MANBA: variants seen among roughly 807,000 people sequenced by gnomAD.
MANBA encodes the protein mannosidase beta, also known as beta-mannosidase.
Under a neutral mutation model 111.1 loss-of-function variants are expected in MANBA, and 83 were observed. The observed-to-expected ratio is 0.75, with a 90% CI of 0.63 to 0.90. The LOEUF is 0.90. Among genes scored for constraint, MANBA ranks in the 40% least tolerant of loss-of-function variants. The pLI is 0.00. For synonymous variants in MANBA, 370 were observed against 378.7 expected (o/e 0.98, Z 0.27); for missense variants, 1,036 against 1,069.0 (o/e 0.97, Z 0.43).
intron 8 of MANBA, among the ~76,000 whole-genome samples, chr4:102,671,712 C>A (rs73836807): frequency 0.012 from 1,768 of 152,252 alleles, 29 homozygotes; most frequent in African/African-American, 0.041. Context: ...GGAAAGTATG[C>A]ACTAATTTTA....
Position 102,727,613 on chromosome 4 carries a change from C to T in MANBA, c.178-930G>A, listed in dbSNP as rs1722860092. The T allele has an allele frequency of 3.8e-6, 6 of 1,572,504 alleles. No individual in the cohort carries two copies. The East Asian group carries it at 1.1e-4, about 29-fold the overall frequency. Reference sequence around the variant, plus strand: ...AAGCTTTTGGGCTCGGGAGACAGGCCAGTGCCCATGTTGTTGTATTCCCAT... The same window carrying T: ...AAGCTTTTGGGCTCGGGAGACAGGCTAGTGCCCATGTTGTTGTATTCCCAT... On this transcript the variant is annotated intron_variant, in intron 1 of 16. Coordinates refer to ENST00000647097, the MANE Select transcript of MANBA (RefSeq NM_005908.4).
intron 1 of MANBA, chr4:102,727,444 T>TG: frequency 2.2e-6 from 3 of 1,351,604 alleles, no homozygotes; most frequent in Non-Finnish European, 3.2e-6. Context: ...CAATTGCACA[T>TG]GGGTCTCAGA....
At chr4:102,736,386 A>G (rs1300030909) in intron 1 of MANBA, among the ~76,000 whole-genome samples, 1 of 152,210 alleles carries the variant, frequency 6.6e-6, no homozygotes, top group African/African-American at 2.4e-5. Flanking sequence ...GCAAATGACA[A>G]TATCATCAGT....
At chr4:102,645,370 C>T (rs1453489211) in intron 13 of MANBA, among the ~76,000 whole-genome samples, 6 of 152,034 alleles carry the variant, frequency 3.9e-5, no homozygotes, top group Non-Finnish European at 7.4e-5. Flanking sequence ...GTAATGTTGG[C>T]TTCACAGAAT....
chr4:102,631,950 A>T lies in MANBA; in HGVS notation c.*107T>A. The T allele has an allele frequency of 1.0e-6, 1 of 954,354 alleles. No individual in the cohort carries two copies. Among genetic ancestry groups the T allele is most frequent in the Non-Finnish European group, 1.7e-6 (1 of 597,034 alleles). 59.1% of individuals were successfully genotyped at this position (954,354 alleles called of 1,614,324 possible). ...ATCGCTCAAATGCGTGGCAGCACGC[A>T]GACATGTCTCTCGGCTTCTCTCCTT... On this transcript the variant is annotated 3_prime_UTR_variant, in exon 17 of 17. Coordinates refer to ENST00000647097, the MANE Select transcript of MANBA (RefSeq NM_005908.4).
intron 1 of MANBA, chr4:102,753,853 T>C: frequency 2.7e-6 from 1 of 377,094 alleles, no homozygotes; most frequent in South Asian, 1.9e-5. Flanking sequence ...CAGGCCGAGG[T>C]GGGCGGATTG....
At chr4:102,711,674 C>G (rs1005713169) in intron 5 of MANBA, among the ~76,000 whole-genome samples, 2 of 152,170 alleles carry the variant, frequency 1.3e-5, no homozygotes, top group South Asian at 4.1e-4. Flanking sequence ...TACTGCAGCA[C>G]TATTCACAAT....
At position 102,634,826 on chromosome 4, in the gene MANBA, G is replaced by A. The variant is rs370212843; in HGVS notation, c.2377C>T (p.Pro793Ser). 1 of 1,614,150 alleles carries A rather than the reference G, an allele frequency of 6.2e-7. No homozygotes were observed. Among genetic ancestry groups the A allele is most frequent in the Non-Finnish European group, 8.5e-7 (1 of 1,180,034 alleles). The change falls in exon 16 of 17, where the codon CCG becomes TCG. Residue 793 changes from proline to serine, a missense_variant. Physicochemically the swap from Pro to Ser is moderately conservative, Grantham distance 74 (BLOSUM62 -1). Coordinates refer to ENST00000647097, the MANE Select transcript of MANBA (RefSeq NM_005908.4). ...SPTNYHFLSSPKEAVGLCKAQ... is the reference protein window; with the variant it reads ...SPTNYHFLSSSKEAVGLCKAQ... ...TTGCAGAGCCCCACGGCCTCCTTCG[G>A]TGAGGACAAGAAGTGGTAGTTGGTC...
intron 1 of MANBA, chr4:102,752,242 C>A (rs1723836517): frequency 9.7e-7 from 1 of 1,035,810 alleles, no homozygotes; most frequent in Admixed American, 1.7e-5. Context: ...TTGAGTCTGA[C>A]AGTCTGAAGG....
At chr4:102,636,623 T>C (rs1037962697) in intron 14 of MANBA, among the ~76,000 whole-genome samples, 3 of 152,208 alleles carry the variant, frequency 2.0e-5, no homozygotes, top group African/African-American at 7.2e-5. Context: ...GTGGATTTAT[T>C]GAGCCAATCA....
intron 1 of MANBA, among the ~76,000 whole-genome samples, chr4:102,732,083 G>A (rs978960122): frequency 2.7e-4 from 41 of 152,046 alleles, no homozygotes; most frequent in African/African-American, 9.9e-4. Context: ...AATTTTTTGT[G>A]TGTTTTTAGT....
chr4:102,726,554 A>T, intron 2 of MANBA, 35 bp downstream of exon 2: 1 of 1,126,074 alleles, frequency 8.9e-7, no homozygotes, highest in Non-Finnish European at 1.3e-6. Context: ...GAAAAGTTCA[A>T]ATAATAATAA....
intron 5 of MANBA, among the ~76,000 whole-genome samples, chr4:102,695,624 T>A (rs1354381707): frequency 6.6e-6 from 1 of 152,174 alleles, no homozygotes; most frequent in Non-Finnish European, 1.5e-5. Context: ...ACTTTGCAGA[T>A]GTTTCTGAGG....
chr4:102,640,139 A>G (rs1343502337), intron 13 of MANBA, among the ~76,000 whole-genome samples: 4 of 152,190 alleles, frequency 2.6e-5, no homozygotes, highest in African/African-American at 9.7e-5. Flanking sequence ...TTCTCTGCTA[A>G]TGATAGTGTA....
intron 15 of MANBA, among the ~76,000 whole-genome samples, chr4:102,635,314 C>A (rs1348793204): frequency 6.6e-6 from 1 of 152,206 alleles, no homozygotes; most frequent in Non-Finnish European, 1.5e-5. Flanking sequence ...AGGCACAGTA[C>A]CTGGTGCGTT....
chr4:102,756,675 C>T (rs1578965284), intron 1 of MANBA, among the ~76,000 whole-genome samples: 1 of 150,778 alleles, frequency 6.6e-6, no homozygotes, highest in South Asian at 2.1e-4. Flanking sequence ...ATATATAAAA[C>T]TGTTGGGGGC....
chr4:102,735,810 A>G lies in MANBA; in HGVS notation c.178-9127T>C, dbSNP rs148052415. On this transcript the variant is annotated intron_variant, in intron 1 of 16. Coordinates refer to ENST00000647097, the MANE Select transcript of MANBA (RefSeq NM_005908.4). Reference sequence around the variant, plus strand: ...CTAAAGTAGGCACTCATACACTCTTATCTTCATAATAAACACGTACAGTAA... The same window carrying G: ...CTAAAGTAGGCACTCATACACTCTTGTCTTCATAATAAACACGTACAGTAA... 1.3e-3 allele frequency among the ~76,000 whole-genome samples: 205 copies of G among 152,300 alleles called. No individual in the cohort carries two copies. The Middle Eastern group carries it at 0.017, about 13-fold the overall frequency.
chr4:102,677,823 G>A (rs1217718784), intron 7 of MANBA, among the ~76,000 whole-genome samples: 2 of 151,758 alleles, frequency 1.3e-5, no homozygotes, highest in Non-Finnish European at 2.9e-5. Context: ...ATTTCCACTG[G>A]TTTTTTTGGT....
intron 1 of MANBA, chr4:102,728,005 G>T: frequency 2.2e-6 from 1 of 445,732 alleles, no homozygotes; most frequent in Non-Finnish European, 4.3e-6. Context: ...AAACCAAAAT[G>T]GGTAAGTCTT....
Sources: gnomAD v4.1 joint callset for allele counts (sites outside exome capture counted in the v4.1 genomes callset) on GRCh38, gnomAD v4.1.1 for gene constraint, MANE v1.5 for transcripts, NCBI Gene and HGNC (gene_info 2026-07-23, HGNC 2026-07-21) for gene names.